The following EFCAB6 variants were observed in gnomAD, a reference collection of about 807,000 sequenced individuals.
The protein encoded by EFCAB6 is EF-hand calcium binding domain 6.
In EFCAB6, 156 loss-of-function variants were observed where a neutral mutation model predicts 169.8. The observed-to-expected ratio is 0.92, with a 90% CI of 0.81 to 1.05. The LOEUF is 1.05. EFCAB6 is among the 50% of genes least tolerant of loss of function. EFCAB6 has a pLI of 0.00. For synonymous variants in EFCAB6, 698 were observed against 676.4 expected (o/e 1.03, Z -0.50); for missense variants, 1,800 against 1,829.1 (o/e 0.98, Z 0.29).
At chr22:43,552,806 TA>T (rs914159647) in intron 27 of EFCAB6, 2 of 152,162 alleles carry the variant, frequency 1.3e-5, no homozygotes, top group African/African-American at 2.4e-5. Context: ...TAGGTGAAAT[TA>T]AAAAAATCTT....
At chr22:43,587,280 G>A (rs1055414829) in intron 24 of EFCAB6, among the ~76,000 whole-genome samples, 7 of 152,158 alleles carry the variant, frequency 4.6e-5, no homozygotes, top group Non-Finnish European at 2.9e-5. Context: ...GTCCAAGGTA[G>A]GGAGGGTTCT....
chr22:43,579,374 C>A (rs867802720), intron 25 of EFCAB6, among the ~76,000 whole-genome samples: 7 of 151,668 alleles, frequency 4.6e-5, no homozygotes, highest in Middle Eastern at 3.4e-3. Context: ...ACATAGGCAT[C>A]ATTCCCTACA....
At chr22:43,614,789 A>G (rs2053580149) in intron 21 of EFCAB6, among the ~76,000 whole-genome samples, 1 of 152,146 alleles carries the variant, frequency 6.6e-6, no homozygotes, top group African/African-American at 2.4e-5. Flanking sequence ...AGCCCACAGC[A>G]CAGACAGTCC....
At chr22:43,625,073 T>C (rs1355828575) in intron 20 of EFCAB6, among the ~76,000 whole-genome samples, 1 of 151,812 alleles carries the variant, frequency 6.6e-6, no homozygotes, top group African/African-American at 2.4e-5. Context: ...CATCATTTTC[T>C]TTCTTGCTTG....
chr22:43,789,869 A>G (rs2062216734), intron 2 of EFCAB6, among the ~76,000 whole-genome samples: 1 of 151,714 alleles, frequency 6.6e-6, no homozygotes, highest in African/African-American at 2.4e-5. Context: ...ACACACACAC[A>G]CACACACACA....
rs187224378 is a variant in EFCAB6, at chr22:43,555,804, C to G, written c.3421-708G>C. Among the ~76,000 whole-genome samples, 791 of 152,324 alleles carry G rather than the reference C, an allele frequency of 5.2e-3. 4 individuals are homozygous for G. The highest frequency in any genetic ancestry group is 0.041 in the Middle Eastern group (12 of 294). On this transcript the variant is annotated intron_variant, in intron 26 of 31. Coordinates refer to ENST00000262726, the MANE Select transcript of EFCAB6 (RefSeq NM_022785.4). ...ATGACACTGTCCTTGGTGCTAAGGA[C>G]TCTGGAGGAGGGATGTGCACCTAGC...
At chr22:43,630,360 T>C (rs926249674) in intron 19 of EFCAB6, among the ~76,000 whole-genome samples, 4 of 152,158 alleles carry the variant, frequency 2.6e-5, no homozygotes, top group Non-Finnish European at 2.9e-5. Flanking sequence ...GTGTCGGTGA[T>C]GGTCTGTTGA....
intron 17 of EFCAB6, among the ~76,000 whole-genome samples, chr22:43,663,102 G>C (rs2057082700): frequency 2.0e-5 from 3 of 152,224 alleles, no homozygotes; most frequent in Non-Finnish European, 4.4e-5. Context: ...CTGAATATTG[G>C]AGGGGCTCAG....
intron 7 of EFCAB6, 118 bp from the exon 8 acceptor site, chr22:43,731,929 C>T (rs560263973): frequency 3.3e-4 from 176 of 531,044 alleles, no homozygotes; most frequent in Admixed American, 2.1e-3. Flanking sequence ...TTTCTAGCTA[C>T]AGAGGGAATT....
At chr22:43,563,247 C>A (rs2049184598) in intron 26 of EFCAB6, among the ~76,000 whole-genome samples, 1 of 152,154 alleles carries the variant, frequency 6.6e-6, no homozygotes. Context: ...TATCTTGTTA[C>A]CTTGGGTAAG....
At chr22:43,636,595 A>C (rs751919882) in intron 17 of EFCAB6, among the ~76,000 whole-genome samples, 5 of 149,204 alleles carry the variant, frequency 3.4e-5, no homozygotes, top group Non-Finnish European at 7.4e-5. Context: ...CTGGGGTTCA[A>C]ACCCAGTTCT....
At chr22:43,792,011 C>A (rs891558393) in intron 2 of EFCAB6, among the ~76,000 whole-genome samples, 2 of 152,086 alleles carry the variant, frequency 1.3e-5, no homozygotes, top group East Asian at 1.9e-4. Flanking sequence ...GCAGGATGAG[C>A]CTTCATGGTG....
intron 19 of EFCAB6, among the ~76,000 whole-genome samples, chr22:43,627,684 G>A (rs992471732): frequency 3.7e-4 from 57 of 152,192 alleles, no homozygotes; most frequent in African/African-American, 1.3e-3. Context: ...TCGTTCCATC[G>A]GCACCTGATG....
chr22:43,772,728 T>C (rs537767544), intron 4 of EFCAB6, among the ~76,000 whole-genome samples, 164 bp downstream of exon 4: 1 of 151,922 alleles, frequency 6.6e-6, no homozygotes, highest in South Asian at 2.1e-4. Context: ...TAGCTGTTGA[T>C]CGTGATCATC....
In EFCAB6 at chr22:43,678,140, T is replaced by C; in HGVS notation, c.1275A>G (p.Arg425=). 1 of 1,613,054 alleles carries C rather than the reference T, an allele frequency of 6.2e-7. No individual in the cohort carries two copies. The highest frequency in any genetic ancestry group is 8.5e-7 in the Non-Finnish European group (1 of 1,179,892). Residue 425 remains arginine (R), a synonymous_variant, in exon 13 of 32, where the codon AGA becomes AGG. Coordinates refer to ENST00000262726, the MANE Select transcript of EFCAB6 (RefSeq NM_022785.4). ...INTKPDGPIT[R]EEFRYILNCM... is the part of the protein sequence containing the mutation. Reference sequence around the variant, plus strand: ...AATTTAGAATATATCGAAATTCTTCTCTTGTTATCGGTCCATCGGGTTTCT... The same window carrying C: ...AATTTAGAATATATCGAAATTCTTCCCTTGTTATCGGTCCATCGGGTTTCT...
intron 2 of EFCAB6, among the ~76,000 whole-genome samples, chr22:43,800,252 G>A (rs1028163231): frequency 6.6e-6 from 1 of 152,170 alleles, no homozygotes; most frequent in Non-Finnish European, 1.5e-5. Flanking sequence ...AGCATTCCAA[G>A]CAGTTACTAG....
At chr22:43,787,913 CA>C (rs1449314187) in intron 2 of EFCAB6, among the ~76,000 whole-genome samples, 1 of 152,116 alleles carries the variant, frequency 6.6e-6, no homozygotes, top group Non-Finnish European at 1.5e-5. Context: ...ACATATAGAT[CA>C]ATGGAATAGA....
chr22:43,810,474 C>T (rs1176455221), intron 1 of EFCAB6, among the ~76,000 whole-genome samples: 1 of 152,154 alleles, frequency 6.6e-6, no homozygotes, highest in Non-Finnish European at 1.5e-5. Context: ...ACAGTTTTCT[C>T]AAACCTGTCT....
chr22:43,691,089 T>C (rs2058396814), intron 10 of EFCAB6, among the ~76,000 whole-genome samples: 1 of 152,104 alleles, frequency 6.6e-6, no homozygotes, highest in African/African-American at 2.4e-5. Flanking sequence ...GTGGACATGA[T>C]CATGAGAAAG....
Sources: gnomAD v4.1 joint callset for allele counts (sites outside exome capture counted in the v4.1 genomes callset) on GRCh38, gnomAD v4.1.1 for gene constraint, MANE v1.5 for transcripts, NCBI Gene and HGNC (gene_info 2026-07-23, HGNC 2026-07-21) for gene names.